Variants in SLC44A5 observed in about 807,000 individuals in gnomAD.
SLC44A5 encodes the protein solute carrier family 44 member 5.
In SLC44A5, 57 loss-of-function variants were observed where a neutral mutation model predicts 101.8. The observed-to-expected ratio is 0.56, with a 90% confidence interval of 0.45 to 0.70. The LOEUF is 0.70. Ranked by LOEUF, SLC44A5 falls within the 30% of genes least tolerant of loss-of-function variation. The pLI, the probability that SLC44A5 is intolerant of heterozygous loss-of-function variation, is 0.00. For missense variants in SLC44A5, 737 were observed against 853.1 expected (o/e 0.86, Z 1.70); for synonymous variants, 281 against 290.9 (o/e 0.97, Z 0.35).
intron 2 of SLC44A5, among the ~76,000 whole-genome samples, chr1:75,512,328 C>T (rs987835695): frequency 4.6e-5 from 7 of 152,132 alleles, no homozygotes; most frequent in African/African-American, 1.7e-4. Context: ...GAGCCGAAGG[C>T]CCAAAAGATG....
chr1:75,668,368 G>C, the SLC44A5 span, among the ~76,000 whole-genome samples: 1 of 115,944 alleles, frequency 8.6e-6, no homozygotes, highest in Non-Finnish European at 1.6e-5. Flanking sequence ...CTGTCACCCA[G>C]GCTGAAGTGC....
intron 3 of SLC44A5, among the ~76,000 whole-genome samples, chr1:75,383,365 C>G (rs867764165): frequency 6.7e-6 from 1 of 149,072 alleles, no homozygotes. Context: ...ATTTCTTTCT[C>G]TATACTTTGT....
At chr1:75,421,050 A>T (rs1020420884) in intron 2 of SLC44A5, among the ~76,000 whole-genome samples, 12 of 152,092 alleles carry the variant, frequency 7.9e-5, no homozygotes, top group Non-Finnish European at 1.8e-4. Flanking sequence ...TCAGAGGGGG[A>T]AATAGTTGTG....
intron 10 of SLC44A5, among the ~76,000 whole-genome samples, chr1:75,238,133 C>A (rs1273014492): frequency 6.6e-6 from 1 of 150,628 alleles, no homozygotes; most frequent in Non-Finnish European, 1.5e-5. Context: ...TGAAAAGCAT[C>A]ATTATTCTTT....
At chr1:75,671,631 T>C in the SLC44A5 span, among the ~76,000 whole-genome samples, 1 of 152,212 alleles carries the variant, frequency 6.6e-6, no homozygotes, top group South Asian at 2.1e-4. Context: ...ATTGAATTAA[T>C]GACTGGATCA....
intron 2 of SLC44A5, among the ~76,000 whole-genome samples, chr1:75,502,050 G>A (rs527563790): frequency 1.7e-4 from 26 of 152,296 alleles, no homozygotes; most frequent in African/African-American, 6.3e-4. Flanking sequence ...ATAGATTCAA[G>A]CCCTAAAAGC....
intron 2 of SLC44A5, among the ~76,000 whole-genome samples, chr1:75,455,669 CAAAT>C (rs529776768): frequency 1.6e-3 from 240 of 151,944 alleles, no homozygotes; most frequent in African/African-American, 5.3e-3. Flanking sequence ...AAGCAAAAAA[CAAAT>C]AACCCCATTG....
intron 2 of SLC44A5, among the ~76,000 whole-genome samples, chr1:75,433,121 T>A (rs1463458633): frequency 6.6e-6 from 1 of 152,114 alleles, no homozygotes; most frequent in East Asian, 1.9e-4. Flanking sequence ...GACCCTGATT[T>A]CTCCTCTATA....
chr1:75,684,955 C>T, the SLC44A5 span, among the ~76,000 whole-genome samples: 1 of 152,206 alleles, frequency 6.6e-6, no homozygotes, highest in South Asian at 2.1e-4. Flanking sequence ...GAGCTCTGCC[C>T]CTGCAGCAAA....
chr1:75,273,085 A>G (rs1195930278), intron 6 of SLC44A5, among the ~76,000 whole-genome samples: 1 of 151,936 alleles, frequency 6.6e-6, no homozygotes, highest in Non-Finnish European at 1.5e-5. Flanking sequence ...TTCCTTGTAG[A>G]GATCTTTCAC....
At chr1:75,511,415 G>A (rs909135583) in intron 2 of SLC44A5, among the ~76,000 whole-genome samples, 7 of 152,068 alleles carry the variant, frequency 4.6e-5, no homozygotes, top group Non-Finnish European at 7.4e-5. Flanking sequence ...ATGGGCAGGG[G>A]TATTGAATAA....
At chr1:75,319,100 A>T (rs941399470) in intron 4 of SLC44A5, among the ~76,000 whole-genome samples, 1 of 152,200 alleles carries the variant, frequency 6.6e-6, no homozygotes, top group African/African-American at 2.4e-5. Context: ...TGACATTTAG[A>T]TGACAAGCTG....
intron 3 of SLC44A5, among the ~76,000 whole-genome samples, chr1:75,386,155 G>A (rs1661328313): frequency 6.6e-6 from 1 of 151,968 alleles, no homozygotes; most frequent in Admixed American, 6.6e-5. Context: ...GCACAAGACA[G>A]GGATGCCCTC....
chr1:75,318,498 T>C (rs1367663487), intron 4 of SLC44A5, among the ~76,000 whole-genome samples: 1 of 152,212 alleles, frequency 6.6e-6, no homozygotes, highest in Non-Finnish European at 1.5e-5. Flanking sequence ...TAGTATATTT[T>C]TAATTTTAAG....
At chr1:75,562,899 A>C (rs1570620556) in intron 1 of SLC44A5, among the ~76,000 whole-genome samples, 1 of 84,828 alleles carries the variant, frequency 1.2e-5, no homozygotes, top group Non-Finnish European at 3.2e-5. Context: ...AAACAACTCA[A>C]GAAACAGTTC....
the SLC44A5 span, among the ~76,000 whole-genome samples, chr1:75,636,454 G>C: frequency 1.3e-5 from 2 of 152,020 alleles, no homozygotes; most frequent in Non-Finnish European, 1.5e-5. Flanking sequence ...CCATTTGCTA[G>C]ATATAGGGAT....
At chr1:75,304,295 TGTGTG>T (rs1654745248) in intron 4 of SLC44A5, among the ~76,000 whole-genome samples, 5 of 7,314 alleles carry the variant, frequency 6.8e-4, no homozygotes, top group South Asian at 2.7e-3. Context: ...TTTAAATAGG[TGTGTG>T]TGTGTGTGTG....
intron 3 of SLC44A5, among the ~76,000 whole-genome samples, chr1:75,342,074 T>C (rs1367997559): frequency 6.6e-6 from 1 of 152,054 alleles, no homozygotes; most frequent in African/African-American, 2.4e-5. Flanking sequence ...ACCAACCTAA[T>C]GGAGAAAATG....
the SLC44A5 span, chr1:75,723,641 T>C: frequency 1.3e-5 from 2 of 152,218 alleles, no homozygotes; most frequent in Admixed American, 6.5e-5. Flanking sequence ...TAATCATCTT[T>C]AAGAGTCCGC....
Sources: gnomAD v4.1 joint callset for allele counts (sites outside exome capture counted in the v4.1 genomes callset) on GRCh38, gnomAD v4.1.1 for gene constraint, MANE v1.5 for transcripts, NCBI Gene and HGNC (gene_info 2026-07-23, HGNC 2026-07-21) for gene names.